SMOC1: variants seen among roughly 807,000 people sequenced by gnomAD.
SMOC1 encodes the protein SPARC related modular calcium binding 1.
Under a neutral mutation model 56.3 loss-of-function variants are expected in SMOC1, and 22 were observed. The observed-to-expected ratio is 0.39, with a 90% CI of 0.28 to 0.56. The LOEUF (loss-of-function observed/expected upper bound fraction) is 0.56, where lower values mean the gene tolerates loss of function less well. Among genes scored for constraint, SMOC1 ranks in the 20% least tolerant of loss-of-function variants. The pLI is 0.61. For synonymous variants in SMOC1, 193 were observed against 215.0 expected, an observed-to-expected ratio of 0.90 and a Z score of 0.89; for missense variants, 509 against 565.4, an observed-to-expected ratio of 0.90 and a Z score of 1.01.
intron 1 of SMOC1, among the ~76,000 whole-genome samples, chr14:69,946,805 A>G (rs1196835576): frequency 6.6e-6 from 1 of 152,170 alleles, no homozygotes; most frequent in Non-Finnish European, 1.5e-5. Context: ...CCCTGGTGGG[A>G]GGTGCTTTGG....
intron 11 of SMOC1, among the ~76,000 whole-genome samples, chr14:70,028,350 A>T (rs1886007594): frequency 6.6e-6 from 1 of 151,926 alleles, no homozygotes; most frequent in Non-Finnish European, 1.5e-5. Context: ...CTTCTCTTCC[A>T]TCCTCCCTGA....
intron 10 of SMOC1, among the ~76,000 whole-genome samples, chr14:70,018,627 C>T (rs182069207): frequency 6.6e-6 from 1 of 152,312 alleles, no homozygotes; most frequent in Admixed American, 6.5e-5. Flanking sequence ...TTATCAGTCC[C>T]AAAGGAAGAT....
At chr14:69,907,035 A>C (rs1884426990) in intron 1 of SMOC1, among the ~76,000 whole-genome samples, 1 of 152,158 alleles carries the variant, frequency 6.6e-6, no homozygotes, top group Admixed American at 6.6e-5. Context: ...AAATAGGAGG[A>C]GTTAGGTGGA....
At chr14:69,977,396 A>G (rs1432969048) in intron 4 of SMOC1, among the ~76,000 whole-genome samples, 2 of 152,262 alleles carry the variant, frequency 1.3e-5, no homozygotes, top group African/African-American at 4.8e-5. Flanking sequence ...GCCTTAGACT[A>G]TTTTGGCCCA....
intron 10 of SMOC1, among the ~76,000 whole-genome samples, chr14:70,020,956 T>C (rs1167439681): frequency 6.6e-6 from 1 of 152,152 alleles, no homozygotes; most frequent in Admixed American, 6.5e-5. Context: ...GAAACACGTG[T>C]TGGAGGGAGT....
At chr14:69,983,767 C>T (rs1884265984) in intron 5 of SMOC1, among the ~76,000 whole-genome samples, 1 of 152,210 alleles carries the variant, frequency 6.6e-6, no homozygotes, top group African/African-American at 2.4e-5. Context: ...CTGCTCCCGG[C>T]CTAAGTTCCA....
chr14:69,880,947 TG>T (rs558966763), intron 1 of SMOC1, among the ~76,000 whole-genome samples: 302 of 152,342 alleles, frequency 2.0e-3, no homozygotes, highest in South Asian at 3.3e-3. Context: ...GCCCAGATGC[TG>T]GGTTGATTAC....
chr14:69,908,092 A>G (rs531087471), intron 1 of SMOC1, among the ~76,000 whole-genome samples: 2 of 152,332 alleles, frequency 1.3e-5, no homozygotes, highest in African/African-American at 4.8e-5. Flanking sequence ...AATCTATAAA[A>G]ATGGTGTTGT....
At chr14:69,930,635 AG>A (rs1885143071) in intron 1 of SMOC1, among the ~76,000 whole-genome samples, 1 of 152,152 alleles carries the variant, frequency 6.6e-6, no homozygotes, top group Non-Finnish European at 1.5e-5. Context: ...TGCAAGAGAA[AG>A]GGTCAGGAAA....
At chr14:69,990,464 C>T (rs1036064589) in intron 5 of SMOC1, among the ~76,000 whole-genome samples, 7 of 152,134 alleles carry the variant, frequency 4.6e-5, no homozygotes, top group Admixed American at 3.9e-4. Flanking sequence ...ATGAAGCCAC[C>T]CTGTGTGGAA....
chr14:69,994,323 A>T, intron 6 of SMOC1, 77 bp from the exon 7 acceptor site: 1 of 1,128,726 alleles, frequency 8.9e-7, no homozygotes, highest in Non-Finnish European at 1.4e-6. Context: ...AATGACTATT[A>T]AGAAGTCTGA....
In SMOC1 at chr14:69,980,763, G is replaced by A. The variant is rs531676714; in HGVS notation, c.526+2798G>A. 3.3e-5 allele frequency among the ~76,000 whole-genome samples: 5 copies of A among 152,324 alleles called. No individual in the cohort carries two copies. The East Asian group carries it at 9.6e-4, about 29-fold the overall frequency. ...TCTCATAGGAGGCATCTATTACCCTGAGGCCTGCTGCAAAGAGGTGCTGGG... is the reference window on the plus strand; with the variant it reads ...TCTCATAGGAGGCATCTATTACCCTAAGGCCTGCTGCAAAGAGGTGCTGGG... On this transcript the variant is annotated intron_variant, in intron 5 of 11. Coordinates refer to ENST00000361956, the MANE Select transcript of SMOC1 (RefSeq NM_001034852.3).
intron 1 of SMOC1, among the ~76,000 whole-genome samples, chr14:69,912,465 C>G (rs778788994): frequency 5.3e-5 from 8 of 152,140 alleles, no homozygotes; most frequent in African/African-American, 1.9e-4. Context: ...TTGCCTGAGC[C>G]GGTCTCTAAC....
intron 5 of SMOC1, among the ~76,000 whole-genome samples, chr14:69,982,547 C>T (rs924382619): frequency 1.3e-5 from 2 of 152,158 alleles, no homozygotes; most frequent in African/African-American, 4.8e-5. Flanking sequence ...GACTGGGTGG[C>T]CCCCCAGCCT....
chr14:69,909,363 C>A (rs536930997), intron 1 of SMOC1, among the ~76,000 whole-genome samples: 1 of 152,328 alleles, frequency 6.6e-6, no homozygotes, highest in Non-Finnish European at 1.5e-5. Flanking sequence ...CAGGAATTGG[C>A]TGAGCTCTTC....
intron 1 of SMOC1, among the ~76,000 whole-genome samples, chr14:69,923,353 T>G (rs890969652): frequency 6.6e-6 from 1 of 152,242 alleles, no homozygotes; most frequent in African/African-American, 2.4e-5. Context: ...TAATTATTTC[T>G]ACGTAAATGT....
At chr14:70,011,325 A>G (rs1264085348) in intron 8 of SMOC1, among the ~76,000 whole-genome samples, 160 bp from the exon 9 acceptor site, 4 of 152,148 alleles carry the variant, frequency 2.6e-5, no homozygotes, top group Non-Finnish European at 1.5e-5. Flanking sequence ...CATTGATGCT[A>G]AGATTGCCTT....
In SMOC1 at chr14:69,879,613, CGCGCTGTGCGCCCCGCG is replaced by C; in HGVS notation, c.-64_-48del. On this transcript the variant is annotated 5_prime_UTR_variant, in exon 1 of 12. Transcript: ENST00000361956. ...CCCCGAGCGAAGGAAGGAAGGGAGGCGCGCTGTGCGCCCCGCGGAGCCCGCGAACCCCGCTCGCTGCC... is the reference window on the plus strand; with the variant it reads ...CCCCGAGCGAAGGAAGGAAGGGAGGCGAGCCCGCGAACCCCGCTCGCTGCC... The C allele has an allele frequency of 8.0e-7, 1 of 1,255,836 alleles. No individual in the cohort carries two copies. The highest frequency in any genetic ancestry group is 1.0e-6 in the Non-Finnish European group (1 of 966,948). The allele number at this position is 1,255,836 out of a possible 1,614,324, so 77.8% of individuals were successfully genotyped here. A position where few individuals can be genotyped will look rare whatever the true frequency, so the allele number is the denominator to read the frequency against.
chr14:69,961,872 G>A (rs80190108), intron 3 of SMOC1, among the ~76,000 whole-genome samples: 3,670 of 152,200 alleles, frequency 0.024, 69 homozygotes, highest in Middle Eastern at 0.099. Flanking sequence ...ATTCCCACCG[G>A]CAATGTATGA....
Sources: gnomAD v4.1 joint callset for allele counts (sites outside exome capture counted in the v4.1 genomes callset) on GRCh38, gnomAD v4.1.1 for gene constraint, MANE v1.5 for transcripts, NCBI Gene and HGNC (gene_info 2026-07-23, HGNC 2026-07-21) for gene names.